Variants in EIPR1 observed in about 807,000 individuals in gnomAD.
EIPR1 encodes the protein EARP and GARP complex-interacting protein 1.
Under a neutral mutation model 48.1 loss-of-function variants are expected in EIPR1, and 25 were observed. The observed-to-expected ratio is 0.52, with a 90% CI of 0.38 to 0.73. The LOEUF (loss-of-function observed/expected upper bound fraction) is 0.73, where lower values mean the gene tolerates loss of function less well. Among genes scored for constraint, EIPR1 ranks in the 30% least tolerant of loss-of-function variants. The pLI, the probability that EIPR1 is intolerant of heterozygous loss-of-function variation, is 0.00. For synonymous variants in EIPR1, 204 were observed against 201.9 expected (o/e 1.01, Z -0.09); for missense variants, 415 against 506.2 (o/e 0.82, Z 1.73).
chr2:3,226,242 T>C (rs935317962), intron 4 of EIPR1, among the ~76,000 whole-genome samples: 1 of 152,236 alleles, frequency 6.6e-6, no homozygotes, highest in African/African-American at 2.4e-5. Flanking sequence ...CCACCTTGAA[T>C]ATATAAAAGT....
chr2:3,323,277 C>T (rs966294393), intron 3 of EIPR1, among the ~76,000 whole-genome samples: 1 of 152,316 alleles, frequency 6.6e-6, no homozygotes, highest in East Asian at 1.9e-4. Context: ...GTGGTCCCCC[C>T]AGCCAGGAAC....
At chr2:3,336,361 C>T (rs1397132687) in intron 3 of EIPR1, among the ~76,000 whole-genome samples, 3 of 152,184 alleles carry the variant, frequency 2.0e-5, no homozygotes, top group Non-Finnish European at 4.4e-5. Context: ...GGCTCTCGGA[C>T]CCCCAACCTC....
chr2:3,332,135 C>T (rs1351595399), intron 3 of EIPR1, among the ~76,000 whole-genome samples: 1 of 152,196 alleles, frequency 6.6e-6, no homozygotes, highest in Non-Finnish European at 1.5e-5. Flanking sequence ...GTGGTGTACC[C>T]TAATTCAGAA....
chr2:3,371,392 A>T (rs1671111353), intron 1 of EIPR1, among the ~76,000 whole-genome samples: 1 of 152,222 alleles, frequency 6.6e-6, no homozygotes, highest in African/African-American at 2.4e-5. Context: ...TATTAACCTT[A>T]AATGTAAATG....
chr2:3,291,830 G>T (rs1668373898), intron 3 of EIPR1, among the ~76,000 whole-genome samples: 1 of 152,184 alleles, frequency 6.6e-6, no homozygotes, highest in African/African-American at 2.4e-5. Flanking sequence ...GATTTTCTTG[G>T]AGAAACACAA....
chr2:3,239,101 G>A (rs921690811), intron 4 of EIPR1, among the ~76,000 whole-genome samples: 7 of 152,204 alleles, frequency 4.6e-5, no homozygotes. Flanking sequence ...ACCTGGCTCT[G>A]CCCGGCCGCC....
chr2:3,193,740 C>G (rs909832716), intron 7 of EIPR1, among the ~76,000 whole-genome samples: 1 of 152,202 alleles, frequency 6.6e-6, no homozygotes, highest in Non-Finnish European at 1.5e-5. Flanking sequence ...AACATCTGTG[C>G]ACATTTATTT....
chr2:3,190,135 T>C (rs540438900), intron 8 of EIPR1, among the ~76,000 whole-genome samples: 26 of 152,148 alleles, frequency 1.7e-4, no homozygotes, highest in African/African-American at 6.0e-4. Flanking sequence ...CCCTTGACTG[T>C]GAGTTACCCT....
Position 3,189,234 on chromosome 2 carries a change from T to A in EIPR1, c.*100A>T, listed in dbSNP as rs1664512852. 1 of 1,259,594 alleles carries A rather than the reference T, an allele frequency of 7.9e-7. No individual in the cohort carries two copies. The highest frequency in any genetic ancestry group is 2.0e-4 in the Middle Eastern group (1 of 5,012). The allele number at this position is 1,259,594 out of a possible 1,614,324, so 78.0% of individuals were successfully genotyped here. Reference sequence around the variant, plus strand: ...GAACAGCGGCTCTCCCAGAGAGGGATCCACCTGGAACACGAGTCACCTCCA... The same window carrying A: ...GAACAGCGGCTCTCCCAGAGAGGGAACCACCTGGAACACGAGTCACCTCCA... On this transcript the variant is annotated 3_prime_UTR_variant, in exon 9 of 9. Coordinates refer to ENST00000382125, the MANE Select transcript of EIPR1 (RefSeq NM_003310.5). This position sits in a 1 kb window ranked among gnomAD's most constrained non-coding sequence, Gnocchi z 4.6.
chr2:3,222,340 C>T (rs1413529679), intron 4 of EIPR1, among the ~76,000 whole-genome samples: 2 of 152,212 alleles, frequency 1.3e-5, no homozygotes, highest in African/African-American at 4.8e-5. Context: ...TCTGCCTTGG[C>T]GTGGGCCAAG....
chr2:3,274,792 A>T (rs1474675014), intron 3 of EIPR1, among the ~76,000 whole-genome samples: 1 of 152,190 alleles, frequency 6.6e-6, no homozygotes, highest in Non-Finnish European at 1.5e-5. Flanking sequence ...CTAAGATAGA[A>T]GGGAGATGAA....
intron 3 of EIPR1, among the ~76,000 whole-genome samples, chr2:3,309,423 G>A (rs1249320663): frequency 6.6e-6 from 1 of 152,200 alleles, no homozygotes; most frequent in Non-Finnish European, 1.5e-5. Context: ...AGGTGAAAGA[G>A]AAACAGAACG....
intron 3 of EIPR1, among the ~76,000 whole-genome samples, chr2:3,322,294 G>A (rs546289399): frequency 6.6e-6 from 1 of 152,336 alleles, no homozygotes; most frequent in South Asian, 2.1e-4. Context: ...TGCCCCATTA[G>A]ATGGTGGGTG....
intron 3 of EIPR1, among the ~76,000 whole-genome samples, chr2:3,337,518 A>C (rs1213041347): frequency 6.6e-6 from 1 of 152,180 alleles, no homozygotes; most frequent in African/African-American, 2.4e-5. Flanking sequence ...AGCAACTCAG[A>C]CATCTGCATT....
At chr2:3,265,224 G>A (rs895608749) in intron 3 of EIPR1, among the ~76,000 whole-genome samples, 1 of 94,518 alleles carries the variant, frequency 1.1e-5, no homozygotes, top group Non-Finnish European at 2.2e-5. Flanking sequence ...CTCTGGCATC[G>A]TCACCCAAAA....
At chr2:3,236,759 A>G (rs1666417451) in intron 4 of EIPR1, among the ~76,000 whole-genome samples, 1 of 152,198 alleles carries the variant, frequency 6.6e-6, no homozygotes, top group Non-Finnish European at 1.5e-5. Context: ...CAGATGAGGT[A>G]ACAAACACAG....
chr2:3,201,852 A>G (rs1431240855), intron 5 of EIPR1, among the ~76,000 whole-genome samples: 3 of 152,256 alleles, frequency 2.0e-5, no homozygotes, highest in African/African-American at 7.2e-5. Flanking sequence ...TATTTCAGAA[A>G]CACAGGGTGA....
At chr2:3,321,660 C>A (rs991903153) in intron 3 of EIPR1, among the ~76,000 whole-genome samples, 1 of 152,200 alleles carries the variant, frequency 6.6e-6, no homozygotes, top group Non-Finnish European at 1.5e-5. Context: ...GAAAATGCAT[C>A]TTTAAACAAG....
chr2:3,290,448 T>C (rs1668332342), intron 3 of EIPR1, among the ~76,000 whole-genome samples: 1 of 152,152 alleles, frequency 6.6e-6, no homozygotes, highest in South Asian at 2.1e-4. Flanking sequence ...GAGTCAAAGG[T>C]TCCCAGGAAC....
Sources: allele counts gnomAD v4.1 joint callset (sites outside exome capture counted in the v4.1 genomes callset), GRCh38; gene constraint gnomAD v4.1.1; non-coding constraint Gnocchi (gnomAD v3.1); transcripts MANE v1.5; gene names NCBI Gene and HGNC (gene_info 2026-07-23, HGNC 2026-07-21).